The following CACNA1A variants were observed in gnomAD, a reference collection of about 807,000 sequenced individuals.
CACNA1A encodes the protein calcium voltage-gated channel subunit alpha1 A, also known as voltage-dependent P/Q-type calcium channel subunit alpha-1A.
In CACNA1A, 57 loss-of-function variants were observed where a neutral mutation model predicts 262.4. The ratio of observed to expected loss-of-function variants is 0.22; its 90% CI spans 0.18 to 0.27. CACNA1A has a LOEUF of 0.27. Ranked by LOEUF, CACNA1A falls within the 10% of genes least tolerant of loss-of-function variation. The pLI is 1.00. For synonymous variants in CACNA1A, 1,431 were observed against 1,419.3 expected, an observed-to-expected ratio of 1.01 and a Z score of -0.18; for missense variants, 2,526 against 3,562.8, an observed-to-expected ratio of 0.71 and a Z score of 7.41.
rs1453608120 is a variant in CACNA1A at position 13,206,563 on chromosome 19, G to A, written c.*750C>T. ...GGAAAAAAGAAGCAAAGGAATCGGT[G>A]GTGATGGTGGGTTTTTCTTCTTCTT... On this transcript the variant is annotated 3_prime_UTR_variant, in exon 47 of 47. Transcript: ENST00000360228. 6.5e-6 allele frequency: 1 copy of A among 153,776 alleles called. No individual in the cohort carries two copies. The highest frequency in any genetic ancestry group is 1.5e-5 in the Non-Finnish European group (1 of 68,186). The allele number at this position is 153,776 out of a possible 1,614,324, so 9.5% of individuals were successfully genotyped here.
intron 1 of CACNA1A, among the ~76,000 whole-genome samples, chr19:13,491,971 G>C (rs2145133068): frequency 6.6e-6 from 1 of 152,272 alleles, no homozygotes; most frequent in East Asian, 1.9e-4. Flanking sequence ...CTGTGTGTCA[G>C]GTACTGTTTT....
intron 1 of CACNA1A, among the ~76,000 whole-genome samples, chr19:13,481,747 T>C (rs1979344049): frequency 6.6e-6 from 1 of 152,044 alleles, no homozygotes; most frequent in Admixed American, 6.6e-5. Context: ...GGCAGGTTGC[T>C]TCCTGCCCCT....
chr19:13,475,571 A>G lies in CACNA1A; in HGVS notation c.294-20359T>C, dbSNP rs1019652771. On this transcript the variant is annotated intron_variant, in intron 1 of 46. Transcript: ENST00000360228. The stretch of plus-strand genomic sequence containing the variant: ...TCTACTCTGTGCCCAGAGAAAAACA[A>G]GAAATGTTAGCTGAACAAGGTAAAG... 3.9e-5 allele frequency among the ~76,000 whole-genome samples: 6 copies of G among 152,334 alleles called. No homozygotes were observed. The South Asian group carries it at 8.3e-4, about 21-fold the overall frequency.
intron 46 of CACNA1A, 90 bp downstream of exon 46, chr19:13,208,666 G>GCC: frequency 2.8e-6 from 4 of 1,418,756 alleles, no homozygotes; most frequent in Non-Finnish European, 3.7e-6. Context: ...GGGGACCTTT[G>GCC]CCTAGAGTGG....
intron 1 of CACNA1A, among the ~76,000 whole-genome samples, chr19:13,464,543 AT>A (rs540418372): frequency 0.029 from 3,798 of 128,918 alleles, 74 homozygotes; most frequent in African/African-American, 0.036. Flanking sequence ...AACTTTTCCA[AT>A]TTTTTTTTTT....
intron 3 of CACNA1A, among the ~76,000 whole-genome samples, chr19:13,374,834 G>A (rs2059378941): frequency 6.6e-6 from 1 of 151,766 alleles, no homozygotes; most frequent in East Asian, 2.0e-4. Context: ...ATATAAGCAG[G>A]CTTTGTTTTG....
At chr19:13,491,080 G>A (rs565956194) in intron 1 of CACNA1A, among the ~76,000 whole-genome samples, 73 of 152,330 alleles carry the variant, frequency 4.8e-4, no homozygotes, top group African/African-American at 1.7e-3. Flanking sequence ...ATCGTCCCGC[G>A]ACATCTCTTG....
At chr19:13,386,830 G>T (rs2059623747) in intron 3 of CACNA1A, among the ~76,000 whole-genome samples, 1 of 152,086 alleles carries the variant, frequency 6.6e-6, no homozygotes, top group Admixed American at 6.5e-5. Context: ...TCGTCTTGGG[G>T]CTGTGAGTGG....
chr19:13,504,013 G>C lies in CACNA1A; in HGVS notation c.293+1919C>G, dbSNP rs527689744. Among the ~76,000 whole-genome samples, 7 of 152,142 alleles carry C rather than the reference G, an allele frequency of 4.6e-5. No homozygotes were observed. In the South Asian group the frequency reaches 1.5e-3, roughly 32 times the overall value. On this transcript the variant is annotated intron_variant, in intron 1 of 46. Coordinates refer to ENST00000360228, the MANE Select transcript of CACNA1A (RefSeq NM_001127222.2). ...GGTAAGCTAAGGACACAGCAGAAGG[G>C]CTCCCCACCTCCTTCCTTTCCTCTT...
intron 17 of CACNA1A, among the ~76,000 whole-genome samples, chr19:13,302,925 G>A (rs1323740380): frequency 6.6e-6 from 1 of 152,240 alleles, no homozygotes; most frequent in African/African-American, 2.4e-5. Context: ...TGCTGAGGGA[G>A]ACCCCAGGGC....
intron 3 of CACNA1A, among the ~76,000 whole-genome samples, chr19:13,436,722 T>G (rs1294541987): frequency 6.6e-6 from 1 of 152,126 alleles, no homozygotes; most frequent in Non-Finnish European, 1.5e-5. Context: ...TAGACAACAT[T>G]AAGAGGATTC....
Position 13,273,374 on chromosome 19 carries a change from A to G in CACNA1A, c.3989+2476T>C, listed in dbSNP as rs567766761. ...GCTAACTTGATAGGGAATGAATTGT[A>G]TCTCGTTTTTATTTTACATTTCTCT... On this transcript the variant is annotated intron_variant, in intron 24 of 46. Transcript: ENST00000360228. 6.6e-5 allele frequency: 10 copies of G among 152,230 alleles called. No homozygotes were observed. The South Asian group carries it at 2.1e-3, about 32-fold the overall frequency. 9.4% of individuals were successfully genotyped at this position (152,230 alleles called of 1,614,324 possible).
intron 12 of CACNA1A, among the ~76,000 whole-genome samples, chr19:13,310,855 A>G (rs2058021268): frequency 6.6e-6 from 1 of 151,664 alleles, no homozygotes; most frequent in African/African-American, 2.4e-5. Flanking sequence ...CAGTGGTGCA[A>G]TCTCAGCTTA....
chr19:13,216,812 A>T (rs1341143843), intron 38 of CACNA1A, among the ~76,000 whole-genome samples: 3 of 152,096 alleles, frequency 2.0e-5, no homozygotes, highest in Non-Finnish European at 4.4e-5. Flanking sequence ...GACAGTCAGA[A>T]TGTCACTGTG....
chr19:13,400,994 T>C (rs1020503195), intron 3 of CACNA1A, among the ~76,000 whole-genome samples: 10 of 152,142 alleles, frequency 6.6e-5, no homozygotes, highest in Non-Finnish European at 1.3e-4. Context: ...CCAGCTAATT[T>C]TTCTATTTTT....
At chr19:13,322,031 G>A (rs1485930998) in intron 10 of CACNA1A, among the ~76,000 whole-genome samples, 2 of 151,784 alleles carry the variant, frequency 1.3e-5, no homozygotes, top group Non-Finnish European at 1.5e-5. Context: ...GTGAAACCCC[G>A]TATCTACTAA....
Position 13,299,366 on chromosome 19 carries a change from G to T in CACNA1A, c.2280-13C>A. 1 of 1,598,236 alleles carries T rather than the reference G, an allele frequency of 6.3e-7. No homozygotes were observed. Among genetic ancestry groups the T allele is most frequent in the Non-Finnish European group, 8.5e-7 (1 of 1,178,740 alleles). ...CTGTTGCTCTTTCCTGCAGTGGCAT[G>T]GTCACAGGACTTAGAGCATTGCTAG... On this transcript the variant is annotated splice_polypyrimidine_tract_variant and intron_variant, in intron 18 of 46. Coordinates refer to ENST00000360228, the MANE Select transcript of CACNA1A (RefSeq NM_001127222.2).
chr19:13,482,260 C>G (rs567261068), intron 1 of CACNA1A, among the ~76,000 whole-genome samples: 1 of 151,772 alleles, frequency 6.6e-6, no homozygotes, highest in African/African-American at 2.4e-5. Context: ...CTGAGGCGGG[C>G]GGATCACGAG....
At chr19:13,377,961 C>G (rs1397469826) in intron 3 of CACNA1A, among the ~76,000 whole-genome samples, 1 of 151,674 alleles carries the variant, frequency 6.6e-6, no homozygotes, top group Non-Finnish European at 1.5e-5. Flanking sequence ...GACCTCAACT[C>G]AATTAAAAAT....
Sources: gnomAD v4.1 joint callset for allele counts (sites outside exome capture counted in the v4.1 genomes callset) on GRCh38, gnomAD v4.1.1 for gene constraint, MANE v1.5 for transcripts, NCBI Gene and HGNC (gene_info 2026-07-23, HGNC 2026-07-21) for gene names.